The following AGBL4 variants were observed in gnomAD, a reference collection of about 807,000 sequenced individuals.
AGBL4 encodes the protein cytosolic carboxypeptidase 6.
In AGBL4, 58 loss-of-function variants were observed where a neutral mutation model predicts 66.4. That is an observed-to-expected ratio of 0.87 (90% confidence interval 0.71 to 1.09). AGBL4 has a LOEUF of 1.09. Ranked by LOEUF, AGBL4 falls within the 50% of genes least tolerant of loss-of-function variation. The probability of loss-of-function intolerance (pLI) is 0.00; values close to 1 mark genes in which losing one functional copy is unlikely to be tolerated. For synonymous variants in AGBL4, 234 were observed against 222.9 expected (o/e 1.05, Z -0.44); for missense variants, 579 against 631.0 (o/e 0.92, Z 0.88).
chr1:49,802,061 G>T (rs1644873267), intron 2 of AGBL4, among the ~76,000 whole-genome samples: 1 of 152,174 alleles, frequency 6.6e-6, no homozygotes, highest in Admixed American at 6.5e-5. Context: ...TTGCCTGCAG[G>T]ATTGTGTAAA....
rs550041098 is a variant in AGBL4, at chr1:49,224,633, A to G, written c.377+21137T>C. ...CTCCCTCTCAAAAAAAAAAAAAAAAAAAAGAAATTCGAATTGGCCTTAGGA... is the reference window on the plus strand; with the variant it reads ...CTCCCTCTCAAAAAAAAAAAAAAAAGAAAGAAATTCGAATTGGCCTTAGGA... On this transcript the variant is annotated intron_variant, in intron 4 of 13. Transcript: ENST00000371839. Among the ~76,000 whole-genome samples the G allele has an allele frequency of 1.8e-3, 276 of 150,788 alleles. 1 individual carries two copies. Among genetic ancestry groups the G allele is most frequent in the African/African-American group, 6.3e-3 (260 of 41,314 alleles).
At chr1:49,508,767 A>G (rs1648925400) in intron 3 of AGBL4, among the ~76,000 whole-genome samples, 1 of 151,936 alleles carries the variant, frequency 6.6e-6, no homozygotes, top group Non-Finnish European at 1.5e-5. Context: ...ATTATTGTGA[A>G]CATTAAGAAA....
intron 1 of AGBL4, among the ~76,000 whole-genome samples, chr1:49,957,520 T>C (rs4256859): frequency 0.31 from 46,869 of 150,628 alleles, 7,797 homozygotes; most frequent in East Asian, 0.71. Context: ...CTCTAAGGAC[T>C]TGCTTTATGA....
chr1:49,864,318 C>A (rs1646648800), intron 1 of AGBL4, among the ~76,000 whole-genome samples: 1 of 152,036 alleles, frequency 6.6e-6, no homozygotes, highest in South Asian at 2.1e-4. Flanking sequence ...ACAAAAAAAA[C>A]AACAGAAAGA....
intron 6 of AGBL4, among the ~76,000 whole-genome samples, chr1:48,665,962 G>A (rs973272202): frequency 1.3e-5 from 2 of 152,132 alleles, no homozygotes; most frequent in Non-Finnish European, 2.9e-5. Context: ...TGCAAAATGG[G>A]CATTCTATTT....
intron 6 of AGBL4, among the ~76,000 whole-genome samples, chr1:48,819,249 A>G (rs1371465173): frequency 6.6e-6 from 1 of 152,200 alleles, no homozygotes; most frequent in Non-Finnish European, 1.5e-5. Context: ...GAAGTGTGAA[A>G]GAATCTGTTA....
At chr1:48,744,983 A>C (rs945435068) in intron 6 of AGBL4, among the ~76,000 whole-genome samples, 17 of 108,344 alleles carry the variant, frequency 1.6e-4, no homozygotes, top group African/African-American at 5.0e-4. Flanking sequence ...CTTGATTGTC[A>C]TCACTCCCAG....
At chr1:48,544,153 A>G (rs1644121707) in intron 11 of AGBL4, among the ~76,000 whole-genome samples, 1 of 152,182 alleles carries the variant, frequency 6.6e-6, no homozygotes, top group African/African-American at 2.4e-5. Flanking sequence ...CTTCCTCTGG[A>G]TGTGACTGAC....
intron 2 of AGBL4, among the ~76,000 whole-genome samples, chr1:49,830,186 C>A (rs1004018926): frequency 1.3e-5 from 2 of 152,124 alleles, no homozygotes; most frequent in Admixed American, 6.5e-5. Context: ...CTTGAGGAAT[C>A]ACCACACTGT....
intron 11 of AGBL4, among the ~76,000 whole-genome samples, chr1:48,546,452 C>G (rs1644161002): frequency 6.6e-6 from 1 of 152,126 alleles, no homozygotes; most frequent in Admixed American, 6.5e-5. Context: ...AAAGACCGGT[C>G]TTAAAGCGGG....
chr1:48,560,555 T>C (rs1463804093), intron 11 of AGBL4, among the ~76,000 whole-genome samples: 1 of 152,214 alleles, frequency 6.6e-6, no homozygotes, highest in Non-Finnish European at 1.5e-5. Context: ...CCATATACTA[T>C]GTACTTGAAT....
chr1:49,630,700 A>G (rs976364146), intron 3 of AGBL4, among the ~76,000 whole-genome samples: 1 of 152,164 alleles, frequency 6.6e-6, no homozygotes, highest in African/African-American at 2.4e-5. Flanking sequence ...CACCTTTAGT[A>G]TATAACCTCT....
intron 1 of AGBL4, among the ~76,000 whole-genome samples, chr1:49,975,849 C>T: frequency 6.6e-6 from 1 of 152,184 alleles, no homozygotes; most frequent in Non-Finnish European, 1.5e-5. Context: ...ATTATTACTA[C>T]TACTAAGACC....
At chr1:48,689,219 A>AAAAAAAG (rs1553207682) in intron 6 of AGBL4, among the ~76,000 whole-genome samples, 6 of 141,514 alleles carry the variant, frequency 4.2e-5, no homozygotes, top group African/African-American at 1.9e-4. Context: ...AAAAAAAAAA[A>AAAAAAAG]AAAAGAAAAG....
intron 3 of AGBL4, among the ~76,000 whole-genome samples, chr1:49,334,587 T>G (rs1471273834): frequency 1.3e-5 from 2 of 152,182 alleles, no homozygotes; most frequent in Non-Finnish European, 2.9e-5. Flanking sequence ...GCAGAGACTT[T>G]TGAGTTAAGA....
chr1:49,903,135 CAT>C (rs1203330047), intron 1 of AGBL4, among the ~76,000 whole-genome samples: 1 of 152,100 alleles, frequency 6.6e-6, no homozygotes, highest in Non-Finnish European at 1.5e-5. Flanking sequence ...AAAGGTGGTA[CAT>C]ATATACCAGG....
intron 2 of AGBL4, among the ~76,000 whole-genome samples, chr1:49,838,992 G>A (rs977035974): frequency 1.3e-5 from 2 of 152,170 alleles, no homozygotes; most frequent in African/African-American, 4.8e-5. Context: ...AGTTGAAGAG[G>A]CATGCAAACA....
chr1:48,874,694 TGTCA>T (rs1179919718), intron 5 of AGBL4, among the ~76,000 whole-genome samples: 2 of 152,180 alleles, frequency 1.3e-5, no homozygotes, highest in African/African-American at 4.8e-5. Context: ...CCTGTAATTA[TGTCA>T]GTCAGTGTGA....
chr1:48,830,910 A>T (rs557567918), intron 6 of AGBL4, among the ~76,000 whole-genome samples: 1 of 152,328 alleles, frequency 6.6e-6, no homozygotes, highest in South Asian at 2.1e-4. Context: ...ATTGTTCTAG[A>T]CATTCCCATT....
Sources: allele counts gnomAD v4.1 joint callset (sites outside exome capture counted in the v4.1 genomes callset), GRCh38; gene constraint gnomAD v4.1.1; transcripts MANE v1.5; gene names NCBI Gene and HGNC (gene_info 2026-07-23, HGNC 2026-07-21).